ERICH6B: variants seen among roughly 807,000 people sequenced by gnomAD.
The protein encoded by ERICH6B is glutamate rich 6B, also known as glutamate-rich protein 6B.
Under a neutral mutation model 80.0 loss-of-function variants are expected in ERICH6B, and 69 were observed. The ratio of observed to expected loss-of-function variants is 0.86; its 90% CI spans 0.71 to 1.05. The LOEUF is 1.05. ERICH6B is among the 50% of genes least tolerant of loss of function. The probability of loss-of-function intolerance (pLI) is 0.00; values close to 1 mark genes in which losing one functional copy is unlikely to be tolerated. For synonymous variants in ERICH6B, 283 were observed against 291.9 expected (o/e 0.97, Z 0.31); for missense variants, 754 against 796.1 (o/e 0.95, Z 0.64).
chr13:45,574,057 A>C (rs1489704269), intron 8 of ERICH6B, among the ~76,000 whole-genome samples: 1 of 152,234 alleles, frequency 6.6e-6, no homozygotes, highest in Non-Finnish European at 1.5e-5. Flanking sequence ...TCTCAATTAA[A>C]AACATTTACA....
At chr13:45,579,280 G>A (rs560899952) in intron 7 of ERICH6B, among the ~76,000 whole-genome samples, 1 of 152,286 alleles carries the variant, frequency 6.6e-6, no homozygotes, top group South Asian at 2.1e-4. Flanking sequence ...CCATGGGGTG[G>A]GGATGGAGGT....
chr13:45,560,121 A>G (rs1197698676), intron 11 of ERICH6B, among the ~76,000 whole-genome samples: 3 of 152,188 alleles, frequency 2.0e-5, no homozygotes, highest in Non-Finnish European at 4.4e-5. Flanking sequence ...TTTTATCATT[A>G]TATAATCTTC....
chr13:45,544,159 G>A (rs1235140889), intron 14 of ERICH6B, among the ~76,000 whole-genome samples: 2 of 152,172 alleles, frequency 1.3e-5, no homozygotes, highest in Admixed American at 6.5e-5. Context: ...TGCAACCTCC[G>A]TCTCCCTGGT....
intron 13 of ERICH6B, among the ~76,000 whole-genome samples, chr13:45,549,248 C>T (rs2137960407): frequency 6.6e-6 from 1 of 151,494 alleles, no homozygotes; most frequent in Non-Finnish European, 1.5e-5. Context: ...GACACCATTG[C>T]ACTCCAGCTT....
In ERICH6B at chr13:45,597,604, C is replaced by T. The variant is rs538021806; in HGVS notation, c.-58-541G>A. Among the ~76,000 whole-genome samples the T allele has an allele frequency of 2.8e-3, 427 of 152,270 alleles. 2 individuals carry two copies. Among genetic ancestry groups the T allele is most frequent in the African/African-American group, 9.8e-3 (408 of 41,546 alleles). On this transcript the variant is annotated intron_variant, in intron 2 of 14. Coordinates refer to ENST00000298738, the MANE Select transcript of ERICH6B (RefSeq NM_182542.3). ...TCATGGCTACCACATGCACTGTCAG[C>T]CCTGCCCGCAGCACCATCTGCCCTC...
At chr13:45,580,579 A>T in intron 6 of ERICH6B, 24 bp downstream of exon 6, 1 of 1,550,594 alleles carries the variant, frequency 6.4e-7, no homozygotes, top group Non-Finnish European at 8.7e-7. Flanking sequence ...TCTACAGATC[A>T]TTTAAAATCA....
intron 3 of ERICH6B, among the ~76,000 whole-genome samples, chr13:45,593,089 T>C (rs1180775757): frequency 2.0e-5 from 3 of 152,210 alleles, no homozygotes; most frequent in Admixed American, 6.5e-5. Context: ...CAACCAATTA[T>C]TCACTGGCAA....
At chr13:45,542,557 C>T (rs1873824059) in intron 14 of ERICH6B, among the ~76,000 whole-genome samples, 1 of 152,200 alleles carries the variant, frequency 6.6e-6, no homozygotes, top group Non-Finnish European at 1.5e-5. Context: ...CGTCAGGCCC[C>T]CTGGTCTCTC....
At chr13:45,585,432 T>A (rs113965438) in intron 5 of ERICH6B, among the ~76,000 whole-genome samples, 2 of 152,208 alleles carry the variant, frequency 1.3e-5, no homozygotes, top group Admixed American at 1.3e-4. Flanking sequence ...CACAATCATA[T>A]ACCTGTTGCC....
chr13:45,600,368 T>A (rs1262201384), intron 2 of ERICH6B, among the ~76,000 whole-genome samples: 1 of 152,200 alleles, frequency 6.6e-6, no homozygotes, highest in Non-Finnish European at 1.5e-5. Context: ...ATTTTTTTTT[T>A]ATTTTGTAAA....
intron 2 of ERICH6B, among the ~76,000 whole-genome samples, chr13:45,603,930 C>T (rs73187637): frequency 1.4e-3 from 207 of 152,324 alleles, no homozygotes; most frequent in Non-Finnish European, 2.0e-3. Context: ...CAGCACACAG[C>T]GGGTACGATG....
chr13:45,578,844 G>A (rs1875531631), intron 7 of ERICH6B, among the ~76,000 whole-genome samples: 1 of 152,208 alleles, frequency 6.6e-6, no homozygotes, highest in African/African-American at 2.4e-5. Context: ...CTTGAGCCCA[G>A]AAGTTGAGAC....
intron 10 of ERICH6B, among the ~76,000 whole-genome samples, chr13:45,562,895 C>T (rs900353199): frequency 2.6e-5 from 4 of 152,140 alleles, no homozygotes; most frequent in Admixed American, 2.6e-4. Flanking sequence ...TAAGTGTACT[C>T]TATTGAGAGG....
At chr13:45,574,157 T>G (rs923863487) in intron 8 of ERICH6B, among the ~76,000 whole-genome samples, 1 of 152,184 alleles carries the variant, frequency 6.6e-6, no homozygotes, top group East Asian at 1.9e-4. Context: ...CAAGATTTCA[T>G]TTTTAGGATT....
Position 45,596,823 on chromosome 13 carries a change from A to T in ERICH6B, c.183T>A (p.Tyr61Ter). 6.4e-7 allele frequency: 1 copy of T among 1,551,738 alleles called. No homozygotes were observed. The highest frequency in any genetic ancestry group is 8.7e-7 in the Non-Finnish European group (1 of 1,147,010). Reference sequence around the variant, plus strand: ...CTTCCAGATCCTCTTCCTCCTCCAGATACTCTTTGTCCTCCAGAGACTCTC... The same window carrying T: ...CTTCCAGATCCTCTTCCTCCTCCAGTTACTCTTTGTCCTCCAGAGACTCTC... ...PEGESLEDKEYLEEEEDLEEE... is the reference protein window; with the variant it reads ...PEGESLEDKE Residue 61 changes from tyrosine to a stop codon, truncating the protein, a stop_gained, in exon 3 of 15, where the codon TAT becomes TAA. Coordinates refer to ENST00000298738, the MANE Select transcript of ERICH6B (RefSeq NM_182542.3). LOFTEE classifies it high-confidence loss of function.
chr13:45,595,076 A>AGT (rs1468480618), intron 3 of ERICH6B, among the ~76,000 whole-genome samples: 2 of 152,228 alleles, frequency 1.3e-5, no homozygotes, highest in African/African-American at 4.8e-5. Flanking sequence ...ATCACTCCAA[A>AGT]GTCAAATACT....
At chr13:45,583,713 T>C (rs1179313483) in intron 5 of ERICH6B, among the ~76,000 whole-genome samples, 1 of 152,220 alleles carries the variant, frequency 6.6e-6, no homozygotes, top group Non-Finnish European at 1.5e-5. Context: ...CCTGATGGTT[T>C]TATAAGGGGA....
rs1876469684 is a variant in ERICH6B, at chr13:45,597,893, A to G, written c.-58-830T>C. Reference sequence around the variant, plus strand: ...CTCCTCTCCACTGTGGCCCACTGTGATTCCCCATGGTGAACATGCCATCTC... The same window carrying G: ...CTCCTCTCCACTGTGGCCCACTGTGGTTCCCCATGGTGAACATGCCATCTC... On this transcript the variant is annotated intron_variant, in intron 2 of 14. Coordinates refer to ENST00000298738, the MANE Select transcript of ERICH6B (RefSeq NM_182542.3). 2.6e-5 allele frequency among the ~76,000 whole-genome samples: 4 copies of G among 152,124 alleles called. No homozygotes were observed. The South Asian group carries it at 6.2e-4, about 24-fold the overall frequency.
intron 7 of ERICH6B, among the ~76,000 whole-genome samples, chr13:45,577,274 A>ATTTTTTTTTTTT (rs1443888878): frequency 1.8e-5 from 2 of 110,792 alleles, no homozygotes; most frequent in African/African-American, 8.0e-5. Flanking sequence ...TTAAAAACAA[A>ATTTTTTTTTTTT]TCTTTTTTTT....
Sources: allele counts gnomAD v4.1 joint callset (sites outside exome capture counted in the v4.1 genomes callset), GRCh38; gene constraint gnomAD v4.1.1; transcripts MANE v1.5; gene names NCBI Gene and HGNC (gene_info 2026-07-23, HGNC 2026-07-21).